YPEL2: variants seen among roughly 807,000 people sequenced by gnomAD.
The protein encoded by YPEL2 is protein yippee-like 2.
A neutral mutation model predicts 19.1 loss-of-function variants in YPEL2; 2 were observed. That is an observed-to-expected ratio of 0.10 (90% CI 0.04 to 0.33). YPEL2 has a LOEUF of 0.33. Ranked by LOEUF, YPEL2 falls within the 10% of genes least tolerant of loss-of-function variation. YPEL2 has a pLI of 1.00. For missense variants in YPEL2, 66 were observed against 140.7 expected (o/e 0.47, Z 2.68); for synonymous variants, 52 against 50.0 (o/e 1.04, Z -0.17).
chr17:59,392,579 C>T (rs143701248), intron 4 of YPEL2, among the ~76,000 whole-genome samples: 1,756 of 142,036 alleles, frequency 0.012, 52 homozygotes, highest in African/African-American at 0.044. Context: ...GGTGTGATCT[C>T]GGCTTACTGC....
chr17:59,344,870 T>C (rs1391143737), intron 1 of YPEL2, among the ~76,000 whole-genome samples: 2 of 152,260 alleles, frequency 1.3e-5, no homozygotes, highest in African/African-American at 2.4e-5. Flanking sequence ...CAGAAGGCTC[T>C]GTAGCTCTTC....
At chr17:59,356,967 G>A (rs1356146269) in intron 2 of YPEL2, among the ~76,000 whole-genome samples, 1 of 152,136 alleles carries the variant, frequency 6.6e-6, no homozygotes, top group Non-Finnish European at 1.5e-5. Flanking sequence ...TATGAATTTG[G>A]GGAGGCATTC....
intron 4 of YPEL2, among the ~76,000 whole-genome samples, chr17:59,394,645 T>G (rs2048028735): frequency 7.1e-6 from 1 of 141,774 alleles, no homozygotes; most frequent in South Asian, 2.4e-4. Flanking sequence ...TCCCAGACGA[T>G]GGGCGGCCAG....
chr17:59,346,002 G>A (rs1475241182), intron 1 of YPEL2, among the ~76,000 whole-genome samples: 1 of 152,184 alleles, frequency 6.6e-6, no homozygotes, highest in Non-Finnish European at 1.5e-5. Context: ...CAACACTGCT[G>A]CCCACCTCTC....
chr17:59,336,578 G>C (rs1382445282), intron 1 of YPEL2, among the ~76,000 whole-genome samples: 1 of 152,166 alleles, frequency 6.6e-6, no homozygotes, highest in Admixed American at 6.5e-5. Flanking sequence ...ACTAATAATA[G>C]TTTGCATCAC....
intron 2 of YPEL2, chr17:59,355,162 T>A (rs1485531585): frequency 6.6e-6 from 1 of 152,150 alleles, no homozygotes; most frequent in Non-Finnish European, 1.5e-5. Context: ...AATGTTAACT[T>A]AACCTTCATA....
intron 2 of YPEL2, among the ~76,000 whole-genome samples, chr17:59,375,875 A>G (rs1275989807): frequency 6.6e-6 from 1 of 152,238 alleles, no homozygotes; most frequent in African/African-American, 2.4e-5. Flanking sequence ...TCAGAGAGAC[A>G]GACTTTTCCA....
chr17:59,337,186 T>TTG (rs904581507), intron 1 of YPEL2, among the ~76,000 whole-genome samples: 1 of 148,488 alleles, frequency 6.7e-6, no homozygotes, highest in African/African-American at 2.5e-5. Flanking sequence ...AGAAATTCTT[T>TTG]TTTTTTGTTT....
chr17:59,361,473 C>T (rs78679714), intron 2 of YPEL2, among the ~76,000 whole-genome samples: 3,602 of 152,284 alleles, frequency 0.024, 103 homozygotes, highest in East Asian at 0.12. Flanking sequence ...TGTGATGACG[C>T]ATGTTTCCCA....
At chr17:59,347,433 G>A (rs1036237003) in intron 1 of YPEL2, among the ~76,000 whole-genome samples, 1 of 152,188 alleles carries the variant, frequency 6.6e-6, no homozygotes, top group Non-Finnish European at 1.5e-5. Flanking sequence ...AGCCGGTCCT[G>A]TCTTTTTAAC....
rs2048064354 is a variant in YPEL2, at chr17:59,400,382, A to G, written c.*3192A>G. 6.6e-6 allele frequency: 1 copy of G among 152,480 alleles called. No individual in the cohort carries two copies. The highest frequency in any genetic ancestry group is 2.1e-4 in the South Asian group (1 of 4,818). 9.4% of individuals were successfully genotyped at this position (152,480 alleles called of 1,614,324 possible). ...AATATATTTGGTGCTGTTTTCTCAG[A>G]TCCCCTGAGAGCACTTTTTATTTTC... On this transcript the variant is annotated 3_prime_UTR_variant, in exon 5 of 5. Transcript: ENST00000312655.
chr17:59,335,426 A>C (rs575625027), intron 1 of YPEL2, among the ~76,000 whole-genome samples: 1 of 151,188 alleles, frequency 6.6e-6, no homozygotes, highest in South Asian at 2.1e-4. Context: ...CCAATCCCCA[A>C]CCTGTCCACT....
rs556896053 is a variant in YPEL2, at chr17:59,391,815, G to C, written c.270+2347G>C. Among the ~76,000 whole-genome samples, 24 of 152,112 alleles carry C rather than the reference G, an allele frequency of 1.6e-4. No homozygotes were observed. The South Asian group carries it at 4.8e-3, about 30-fold the overall frequency. On this transcript the variant is annotated intron_variant, in intron 4 of 4. Transcript: ENST00000312655. ...CTCAGGAGGCTTAGGCAGGAGAATC[G>C]CTTGAACCCAGGAGGCGGAGGTTGC...
At chr17:59,366,731 C>T (rs559648861) in intron 2 of YPEL2, among the ~76,000 whole-genome samples, 1 of 152,180 alleles carries the variant, frequency 6.6e-6, no homozygotes, top group Non-Finnish European at 1.5e-5. Context: ...AGGTACAACT[C>T]TGAGAGGGCC....
chr17:59,334,571 AACACAC>A (rs35386954), intron 1 of YPEL2, among the ~76,000 whole-genome samples: 2,990 of 145,052 alleles, frequency 0.021, 41 homozygotes, highest in Non-Finnish European at 0.03. Flanking sequence ...TTCAGGCACA[AACACAC>A]ACACACACAC....
chr17:59,383,182 ATTTTAT>A (rs1799411009), intron 2 of YPEL2, among the ~76,000 whole-genome samples: 1 of 152,154 alleles, frequency 6.6e-6, no homozygotes, highest in Admixed American at 6.5e-5. Context: ...AATTTTAAAA[ATTTTAT>A]TTTTATATTT....
At chr17:59,351,525 C>T (rs1051134065) in intron 1 of YPEL2, among the ~76,000 whole-genome samples, 1 of 152,110 alleles carries the variant, frequency 6.6e-6, no homozygotes, top group African/African-American at 2.4e-5. Context: ...ACCTGCTACC[C>T]AGAGTGTGCC....
intron 2 of YPEL2, chr17:59,354,018 C>T (rs1036795375): frequency 2.5e-5 from 6 of 235,998 alleles, no homozygotes; most frequent in South Asian, 5.6e-5. Flanking sequence ...GAAGAGCTGA[C>T]CTTCTGGCCT....
rs977178739 is a variant in YPEL2 at position 59,353,427 on chromosome 17, A to G, written c.18A>G (p.Arg6=). Residue 6 remains arginine (R), a synonymous_variant, in exon 2 of 5, where the codon AGA becomes AGG. Transcript: ENST00000312655. The surrounding 1 kb of genome is among the most constrained non-coding windows in gnomAD (Gnocchi z 4.8). ...CAGCACCAATGGTGAAGATGACAAG[A>G]TCGAAGACTTTCCAGGCATATCTGC... MVKMT[R]SKTFQAYLPS... 2 of 1,597,064 alleles carry G rather than the reference A, an allele frequency of 1.3e-6. No individual in the cohort carries two copies. Among genetic ancestry groups the G allele is most frequent in the African/African-American group, 1.3e-5 (1 of 74,770 alleles).
Sources: gnomAD v4.1 joint callset for allele counts (sites outside exome capture counted in the v4.1 genomes callset) on GRCh38, gnomAD v4.1.1 for gene constraint, Gnocchi (gnomAD v3.1) non-coding constraint, MANE v1.5 for transcripts, NCBI Gene and HGNC (gene_info 2026-07-23, HGNC 2026-07-21) for gene names.